The following ABCA13 variants were observed in gnomAD, a reference collection of about 807,000 sequenced individuals.
ABCA13 encodes ATP-binding cassette sub-family A member 13.
ABCA13 carries 476 observed loss-of-function variants against 478.7 expected under a neutral mutation model. The observed-to-expected ratio is 0.99, with a 90% CI of 0.92 to 1.07. The LOEUF (loss-of-function observed/expected upper bound fraction) is 1.07. Ranked by LOEUF, ABCA13 falls within the 50% of genes least tolerant of loss-of-function variation. ABCA13 has a pLI of 0.00. For missense variants in ABCA13, 6,060 were observed against 5,910.6 expected (o/e 1.03, Z -0.83); for synonymous variants, 2,252 against 2,158.9 (o/e 1.04, Z -1.20).
At chr7:48,352,119 G>A (rs1306567268) in intron 30 of ABCA13, 62 bp from the exon 31 acceptor site, 30 of 1,504,528 alleles carry the variant, frequency 2.0e-5, no homozygotes, top group Non-Finnish European at 2.0e-5. Context: ...ACCCAGTGTA[G>A]GCGTGGTTTG....
intron 50 of ABCA13, among the ~76,000 whole-genome samples, chr7:48,510,604 AC>A (rs1004138775): frequency 3.4e-4 from 51 of 152,204 alleles, no homozygotes; most frequent in African/African-American, 6.7e-4. Context: ...GGGTAGCTTC[AC>A]CCCGGAAACT....
At chr7:48,335,313 C>A in intron 27 of ABCA13, 109 bp from the exon 28 acceptor site, 1 of 671,478 alleles carries the variant, frequency 1.5e-6, no homozygotes, top group Non-Finnish European at 2.4e-6. Flanking sequence ...AGCTGGCCTG[C>A]AGGCAGATCT....
At chr7:48,587,113 T>C in intron 56 of ABCA13, 41 bp from the exon 57 acceptor site, 1 of 1,610,302 alleles carries the variant, frequency 6.2e-7, no homozygotes, top group Non-Finnish European at 8.5e-7. Flanking sequence ...GTGGGCACTT[T>C]GGTGAATGCT....
Position 48,421,275 on chromosome 7 carries a change from G to A in ABCA13, c.12460-6491G>A, listed in dbSNP as rs527883485. ...TTACCCACCTGTTTTTGCATCTTCT[G>A]ATGTTCCTTGCCAGAATTAAAAATT... is the stretch of plus-strand genomic sequence containing the variant. On this transcript the variant is annotated intron_variant, in intron 41 of 61. Transcript: ENST00000435803. 6.6e-5 allele frequency among the ~76,000 whole-genome samples: 10 copies of A among 151,610 alleles called. 1 individual carries two copies. In the South Asian group the frequency reaches 2.1e-3, roughly 32 times the overall value.
At chr7:48,540,011 T>G (rs888778823) in intron 55 of ABCA13, among the ~76,000 whole-genome samples, 4 of 152,088 alleles carry the variant, frequency 2.6e-5, no homozygotes, top group African/African-American at 9.7e-5. Flanking sequence ...TAGAGAAAAT[T>G]TATTAGTTGA....
intron 1 of ABCA13, among the ~76,000 whole-genome samples, chr7:48,184,292 G>A (rs1001037684): frequency 2.6e-5 from 4 of 152,096 alleles, no homozygotes; most frequent in African/African-American, 9.7e-5. Context: ...CTATTGATTT[G>A]TAGGCATTTG....
intron 15 of ABCA13, among the ~76,000 whole-genome samples, chr7:48,253,199 T>C (rs1468574957): frequency 6.6e-6 from 1 of 152,236 alleles, no homozygotes; most frequent in Non-Finnish European, 1.5e-5. Context: ...CCTGCAGCTC[T>C]AACATGCCAC....
chr7:48,287,977 A>G lies in ABCA13; in HGVS notation c.8854A>G (p.Lys2952Glu), dbSNP rs1478183983. 6 of 1,613,888 alleles carry G rather than the reference A, an allele frequency of 3.7e-6. No homozygotes were observed. Among genetic ancestry groups the G allele is most frequent in the Non-Finnish European group, 4.2e-6 (5 of 1,179,798 alleles). ...TIVAENPSWT[K>E]DILCATLSCK... ...TCTGGCAGAAAACCCTTCCTGGACC[A>G]AGGACATTTTGTGTGCTACTCTGAG... Residue 2952 changes from lysine (K) to glutamate (E), a missense_variant, in exon 20 of 62, where the codon AAG (lysine) becomes GAG (glutamate). Physicochemically the swap from Lys to Glu is moderately conservative, Grantham distance 56 (BLOSUM62 1). Transcript: ENST00000435803.
intron 3 of ABCA13, among the ~76,000 whole-genome samples, chr7:48,211,562 G>A (rs960334360): frequency 1.6e-4 from 24 of 152,256 alleles, no homozygotes; most frequent in African/African-American, 5.8e-4. Flanking sequence ...GGTCACACCT[G>A]AAGCTCATGT....
chr7:48,380,671 A>G (rs887128262), intron 35 of ABCA13, among the ~76,000 whole-genome samples: 4 of 152,184 alleles, frequency 2.6e-5, no homozygotes, highest in Non-Finnish European at 5.9e-5. Flanking sequence ...ACTAAAGGCA[A>G]TTGTACCATC....
chr7:48,327,910 T>G (rs1804575648), intron 27 of ABCA13, among the ~76,000 whole-genome samples: 1 of 152,204 alleles, frequency 6.6e-6, no homozygotes, highest in Admixed American at 6.5e-5. Flanking sequence ...ATTTATTTGT[T>G]TGTAAGCAGT....
chr7:48,250,575 T>C (rs921797903), intron 15 of ABCA13, among the ~76,000 whole-genome samples: 1 of 152,200 alleles, frequency 6.6e-6, no homozygotes, highest in African/African-American at 2.4e-5. Flanking sequence ...CAGGAAACAA[T>C]GGCCTAGACC....
At chr7:48,468,075 G>A (rs1167181599) in intron 44 of ABCA13, among the ~76,000 whole-genome samples, 2 of 151,968 alleles carry the variant, frequency 1.3e-5, no homozygotes, top group African/African-American at 2.4e-5. Context: ...AGGGCCCCAT[G>A]GGGTCCAGCC....
In ABCA13 at chr7:48,507,889, A is replaced by G. The variant is rs770300186; in HGVS notation, c.13364A>G (p.Gln4455Arg). 37 of 1,610,366 alleles carry G rather than the reference A, an allele frequency of 2.3e-5. No individual in the cohort carries two copies. Among genetic ancestry groups the G allele is most frequent in the Non-Finnish European group, 7.6e-6 (9 of 1,178,300 alleles). Reference protein sequence around the residue: ...NEDKILESIRQCGVALCIVLG... With the variant: ...NEDKILESIRRCGVALCIVLG... ...ACCCGCAGCCTGGAGAGCATCCGTC[A>G]GTGTGGAGTGGCCCTCTGCATCGTG... The change falls in exon 50 of 62, where the codon CAG becomes CGG. Residue 4455 changes from glutamine (Q) to arginine (R), a missense_variant. Coordinates refer to ENST00000435803, the MANE Select transcript of ABCA13 (RefSeq NM_152701.5).
intron 27 of ABCA13, among the ~76,000 whole-genome samples, chr7:48,331,218 G>T (rs1805350781): frequency 6.6e-6 from 1 of 152,032 alleles, no homozygotes; most frequent in South Asian, 2.1e-4. Context: ...AAGTAAGAGA[G>T]GAATAAATCA....
At position 48,380,109 on chromosome 7, in the gene ABCA13, A is replaced by G. The variant is rs1048536640; in HGVS notation, c.11335+3537A>G. ...CAGCATCAAAATAAGATTGAAAACTAATAGGGAGCCTCATGTTAATCATCT... is the reference window on the plus strand; with the variant it reads ...CAGCATCAAAATAAGATTGAAAACTGATAGGGAGCCTCATGTTAATCATCT... On this transcript the variant is annotated intron_variant, in intron 35 of 61. Coordinates refer to ENST00000435803, the MANE Select transcript of ABCA13 (RefSeq NM_152701.5). 1.4e-4 allele frequency among the ~76,000 whole-genome samples: 21 copies of G among 152,236 alleles called. 2 individuals are homozygous for G. Among genetic ancestry groups the G allele is most frequent in the Admixed American group, 1.4e-3 (21 of 15,288 alleles).
At position 48,294,050 on chromosome 7, in the gene ABCA13, T is replaced by G. The variant is rs553368773; in HGVS notation, c.8956-1650T>G. 2.3e-4 allele frequency among the ~76,000 whole-genome samples: 35 copies of G among 152,320 alleles called. No individual in the cohort carries two copies. In the South Asian group the frequency reaches 7.0e-3, roughly 31 times the overall value. On this transcript the variant is annotated intron_variant, in intron 20 of 61. Transcript: ENST00000435803. ...TAATCATTGTGTTTGTGGCTGTGAA[T>G]TTTGAAAAGCCTCAAGTTTCTTTAA...
At position 48,416,347 on chromosome 7, in the gene ABCA13, A is replaced by G. The variant is rs1286692577; in HGVS notation, c.12459+3764A>G. Among the ~76,000 whole-genome samples, 3 of 152,094 alleles carry G rather than the reference A, an allele frequency of 2.0e-5. No individual in the cohort carries two copies. In the East Asian group the frequency reaches 5.8e-4, roughly 29 times the overall value. On this transcript the variant is annotated intron_variant, in intron 41 of 61. Transcript: ENST00000435803. ...GTTCCGCCTAGGAATAGAAACTGAG[A>G]TTTCCATGTTTCCTTCTGCACCCCC...
At chr7:48,584,731 ATTAGAAGTTTTTTTTTAT>A (rs1219850105) in intron 56 of ABCA13, among the ~76,000 whole-genome samples, 9 of 151,174 alleles carry the variant, frequency 6.0e-5, no homozygotes, top group African/African-American at 2.2e-4. Flanking sequence ...AGTGTTTGCT[ATTAGAAGTTTTTTTTTAT>A]TTAGAAGTTT....
Sources: gnomAD v4.1 joint callset for allele counts (sites outside exome capture counted in the v4.1 genomes callset) on GRCh38, gnomAD v4.1.1 for gene constraint, MANE v1.5 for transcripts, NCBI Gene and HGNC (gene_info 2026-07-23, HGNC 2026-07-21) for gene names.